GRAMD1B: variants seen among roughly 807,000 people sequenced by gnomAD.
The protein encoded by GRAMD1B is GRAM domain containing 1B.
GRAMD1B carries 37 observed loss-of-function variants against 99.7 expected under a neutral mutation model. The ratio of observed to expected loss-of-function variants is 0.37; its 90% CI spans 0.29 to 0.49. The LOEUF is 0.49. Ranked by LOEUF, GRAMD1B falls within the 20% of genes least tolerant of loss-of-function variation. The pLI is 0.98. For synonymous variants in GRAMD1B, 427 were observed against 387.6 expected (o/e 1.10, Z -1.19); for missense variants, 888 against 1,009.2 (o/e 0.88, Z 1.63).
rs757394893 is a variant in GRAMD1B at position 123,528,621 on chromosome 11, C to G, written c.452+47728C>G. 1.0e-3 allele frequency among the ~76,000 whole-genome samples: 154 copies of G among 152,130 alleles called. 1 individual carries two copies. Among genetic ancestry groups the G allele is most frequent in the Non-Finnish European group, 1.4e-3 (92 of 68,036 alleles). On this transcript the variant is annotated intron_variant, in intron 2 of 19. Coordinates refer to ENST00000635736, the MANE Select transcript of GRAMD1B (RefSeq NM_001387025.1). ...AGCAGGGTAAGTTTCCCCAGTGATT[C>G]ACCTGTCCCTGGTTACTCCTCTTCT...
intron 1 of GRAMD1B, among the ~76,000 whole-genome samples, chr11:123,453,326 CTT>C (rs1949971955): frequency 6.6e-6 from 1 of 151,586 alleles, no homozygotes; most frequent in African/African-American, 2.4e-5. Context: ...GTATATATAT[CTT>C]TTTATTTTAA....
At chr11:123,363,891 T>C (rs970581629) in intron 1 of GRAMD1B, among the ~76,000 whole-genome samples, 3 of 152,138 alleles carry the variant, frequency 2.0e-5, no homozygotes, top group Non-Finnish European at 4.4e-5. Flanking sequence ...TCCCAGAAGA[T>C]TTAGTAGCAA....
intron 2 of GRAMD1B, among the ~76,000 whole-genome samples, chr11:123,486,603 A>G (rs1272355201): frequency 9.5e-6 from 1 of 105,338 alleles, no homozygotes; most frequent in Admixed American, 8.5e-5. Flanking sequence ...AAGAAAGTGT[A>G]GAATATTGAG....
At chr11:123,435,597 T>C in intron 1 of GRAMD1B, 1 of 613,646 alleles carries the variant, frequency 1.6e-6, no homozygotes, top group South Asian at 1.9e-5. Flanking sequence ...AGACCAATCA[T>C]GTTCATCTTT....
chr11:123,445,268 G>A (rs1949586521), intron 1 of GRAMD1B, among the ~76,000 whole-genome samples: 1 of 152,196 alleles, frequency 6.6e-6, no homozygotes, highest in Non-Finnish European at 1.5e-5. Flanking sequence ...GTGAGTGCCA[G>A]GCTGACCCCT....
rs866395584 is a variant in GRAMD1B at position 123,606,657 on chromosome 11, C to T, written c.1372C>T (p.Leu458=). The T allele has an allele frequency of 6.2e-7, 1 of 1,613,194 alleles. No individual in the cohort carries two copies. Among genetic ancestry groups the T allele is most frequent in the Middle Eastern group, 1.7e-4 (1 of 6,056 alleles). Residue 458 remains leucine, a synonymous_variant, in exon 11 of 20, where the codon CTG becomes TTG. Transcript: ENST00000635736. ...AGAGGCGCTGGAGGGAGACGGGTCC[C>T]TGGAAAAGGAGCTCGCCATTGACAA... ...EEEALEGDGS[L]EKELAIDNIM...
chr11:123,442,865 C>T (rs188678194), intron 1 of GRAMD1B, among the ~76,000 whole-genome samples: 1 of 151,724 alleles, frequency 6.6e-6, no homozygotes, highest in Non-Finnish European at 1.5e-5. Context: ...ATGCCCCCCC[C>T]CACCCCTTTT....
At chr11:123,535,991 G>C (rs1046190332) in intron 2 of GRAMD1B, among the ~76,000 whole-genome samples, 1 of 152,146 alleles carries the variant, frequency 6.6e-6, no homozygotes, top group Non-Finnish European at 1.5e-5. Flanking sequence ...TGGCTGCCCA[G>C]AACACAGAAT....
rs1043029210 is a variant in GRAMD1B at position 123,626,560 on chromosome 11, C to G, written c.*3965C>G. The G allele has an allele frequency of 2.0e-5, 3 of 152,184 alleles. No homozygotes were observed. Among genetic ancestry groups the G allele is most frequent in the Admixed American group, 6.5e-5 (1 of 15,270 alleles). 9.4% of individuals were successfully genotyped at this position (152,184 alleles called of 1,614,324 possible). A position where few individuals can be genotyped will look rare whatever the true frequency, so the allele number is the denominator to read the frequency against. On this transcript the variant is annotated 3_prime_UTR_variant, in exon 20 of 20. Transcript: ENST00000635736. ...AGCCAGCCCTTTTCTCCTACTGCCC[C>G]CAGGAGAAATAGCACTCTTCTCCCT...
In GRAMD1B at chr11:123,535,115, G is replaced by T. The variant is rs534862786; in HGVS notation, c.453-42252G>T. On this transcript the variant is annotated intron_variant, in intron 2 of 19. Coordinates refer to ENST00000635736, the MANE Select transcript of GRAMD1B (RefSeq NM_001387025.1). The stretch of plus-strand genomic sequence containing the variant: ...CCCTCAGGCTCAGGACAACCAAAGA[G>T]CATGGAGATGCACTTTCCAATTCAG... Among the ~76,000 whole-genome samples the T allele has an allele frequency of 5.3e-5, 8 of 152,252 alleles. No homozygotes were observed. The South Asian group carries it at 1.7e-3, about 32-fold the overall frequency.
At chr11:123,479,965 A>G (rs1951500088) in intron 1 of GRAMD1B, among the ~76,000 whole-genome samples, 1 of 152,132 alleles carries the variant, frequency 6.6e-6, no homozygotes, top group Non-Finnish European at 1.5e-5. Context: ...GATTGAGCCT[A>G]GAGTTTCTAG....
At position 123,594,157 on chromosome 11, in the gene GRAMD1B, C is replaced by T; in HGVS notation, c.760C>T (p.Leu254Phe). The change falls in exon 5 of 20, where the codon CTC (leucine) becomes TTC (phenylalanine). Residue 254 changes from leucine to phenylalanine, a missense_variant. Around this residue, in one of 5 missense-constraint regions of GRAMD1B, gnomAD observed 62 missense variants for 139.4 expected, o/e 0.44. Transcript: ENST00000635736. ...TAAGCAGCTTCCAGACACGGAGCGC[C>T]TCATTGTTGGTGAGTTGGGTGACCT... Reference protein sequence around the residue: ...LFKQLPDTERLIVDYSCALQR... With the variant: ...LFKQLPDTERFIVDYSCALQR... 6.2e-7 allele frequency: 1 copy of T among 1,610,674 alleles called. No homozygotes were observed.
At chr11:123,580,273 A>C (rs139958395) in intron 3 of GRAMD1B, among the ~76,000 whole-genome samples, 2,265 of 152,350 alleles carry the variant, frequency 0.015, 52 homozygotes, top group Admixed American at 0.062. Context: ...TTTGAAGGCC[A>C]GGGCCTGAAG....
intron 2 of GRAMD1B, among the ~76,000 whole-genome samples, chr11:123,559,214 G>A (rs1331966580): frequency 6.6e-6 from 1 of 152,198 alleles, no homozygotes; most frequent in African/African-American, 2.4e-5. Flanking sequence ...AGATTCTTAG[G>A]GGATTAAAGT....
At chr11:123,431,640 C>T (rs370357722) in intron 1 of GRAMD1B, among the ~76,000 whole-genome samples, 2 of 152,286 alleles carry the variant, frequency 1.3e-5, no homozygotes, top group East Asian at 3.9e-4. Context: ...TTCAGGACTC[C>T]GTTTCAATCT....
chr11:123,432,022 C>G (rs1948917580), intron 1 of GRAMD1B: 1 of 398,500 alleles, frequency 2.5e-6, no homozygotes, highest in African/African-American at 2.1e-5. Context: ...CTTTAGGGTC[C>G]TGTCTCTTAA....
At chr11:123,585,226 C>T (rs1949948935) in intron 4 of GRAMD1B, among the ~76,000 whole-genome samples, 1 of 152,194 alleles carries the variant, frequency 6.6e-6, no homozygotes, top group East Asian at 1.9e-4. Context: ...GTAGCTGTGG[C>T]TGTGAAGGAC....
At chr11:123,479,004 C>A (rs1437900556) in intron 1 of GRAMD1B, among the ~76,000 whole-genome samples, 1 of 152,154 alleles carries the variant, frequency 6.6e-6, no homozygotes, top group Non-Finnish European at 1.5e-5. Flanking sequence ...GAGTTAACGA[C>A]ATTATAGTGA....
intron 2 of GRAMD1B, among the ~76,000 whole-genome samples, chr11:123,522,622 A>AT (rs1565325045): frequency 6.6e-6 from 1 of 151,944 alleles, no homozygotes. Flanking sequence ...CCCAGCCGAG[A>AT]TTTTCTTTAC....
Sources: gnomAD v4.1 joint callset for allele counts (sites outside exome capture counted in the v4.1 genomes callset) on GRCh38, gnomAD v4.1.1 for gene constraint, gnomAD v4.1.1 regional missense constraint, MANE v1.5 for transcripts, NCBI Gene and HGNC (gene_info 2026-07-23, HGNC 2026-07-21) for gene names.